PCGF3: variants seen among roughly 807,000 people sequenced by gnomAD.
PCGF3 encodes polycomb group ring finger 3.
In PCGF3, 7 loss-of-function variants were observed where a neutral mutation model predicts 33.1. The observed-to-expected ratio is 0.21, with a 90% CI of 0.12 to 0.40. The LOEUF is 0.40. PCGF3 is among the 10% of genes least tolerant of loss of function. The pLI is 1.00. For synonymous variants in PCGF3, 153 were observed against 121.3 expected, an observed-to-expected ratio of 1.26 and a Z score of -1.72; for missense variants, 211 against 313.3, an observed-to-expected ratio of 0.67 and a Z score of 2.46.
chr4:757,092 C>G (rs1447250442), intron 8 of PCGF3: 1 of 152,270 alleles, frequency 6.6e-6, no homozygotes, highest in Non-Finnish European at 1.5e-5. Flanking sequence ...TAGAGAACCA[C>G]TGTGATCACC....
rs1743009494 is a variant in PCGF3, at chr4:720,010, C to G, written c.-189-10620C>G. Among the ~76,000 whole-genome samples the G allele has an allele frequency of 6.6e-6, 1 of 152,162 alleles. No homozygotes were observed. ...GTTGGGCTGGGGGCATCTGTGGGGC[C>G]AGTTGCAGCAGTTTGGTCATTTTTG... On this transcript the variant is annotated intron_variant, in intron 1 of 10. Transcript: ENST00000362003. The surrounding 1 kb of genome is among the most constrained non-coding windows in gnomAD (Gnocchi z 5.6).
intron 5 of PCGF3, 151 bp from the exon 6 acceptor site, chr4:737,315 G>T (rs1743878781): frequency 1.6e-6 from 1 of 639,140 alleles, no homozygotes. Flanking sequence ...ATGGCTTTTG[G>T]TGACACATTT....
chr4:731,538 G>T (rs1377745996), intron 3 of PCGF3, among the ~76,000 whole-genome samples: 3 of 150,460 alleles, frequency 2.0e-5, no homozygotes, highest in African/African-American at 7.3e-5. Context: ...GGCCCTCAGG[G>T]GTGTAGGGCG....
At chr4:740,351 G>T (rs1339046241) in intron 6 of PCGF3, among the ~76,000 whole-genome samples, 3 of 152,246 alleles carry the variant, frequency 2.0e-5, no homozygotes, top group Non-Finnish European at 4.4e-5. Flanking sequence ...GTTTTTAGTG[G>T]TTTGTTGTTT....
intron 1 of PCGF3, among the ~76,000 whole-genome samples, chr4:711,409 A>G (rs1253210116): frequency 6.6e-6 from 1 of 150,950 alleles, no homozygotes; most frequent in Non-Finnish European, 1.5e-5. Context: ...ATTTTTGGTT[A>G]ATGGTTAGAA....
intron 1 of PCGF3, among the ~76,000 whole-genome samples, chr4:710,037 A>T (rs1742499684): frequency 6.6e-6 from 1 of 151,876 alleles, no homozygotes; most frequent in African/African-American, 2.4e-5. Flanking sequence ...AGGCTTTTAG[A>T]GGTGTGTTTT....
At chr4:757,644 C>T (rs1308517286) in intron 8 of PCGF3, 3 of 152,176 alleles carry the variant, frequency 2.0e-5, no homozygotes, top group Non-Finnish European at 2.9e-5. Flanking sequence ...TTAGCTGGCA[C>T]GTTACCTTAC....
At chr4:727,366 G>C (rs555869757) in intron 1 of PCGF3, among the ~76,000 whole-genome samples, 43 of 148,476 alleles carry the variant, frequency 2.9e-4, no homozygotes, top group African/African-American at 9.2e-4. Flanking sequence ...TCAGCCTCTC[G>C]AACAGCTGGG....
intron 1 of PCGF3, among the ~76,000 whole-genome samples, chr4:723,011 C>T (rs1577403244): frequency 1.5e-5 from 2 of 135,604 alleles, no homozygotes; most frequent in African/African-American, 2.8e-5. Context: ...TCCACATTCG[C>T]GTCATCGCCA....
chr4:769,096 A>G (rs914502432), exon 11 of PCGF3: 2 of 152,688 alleles, frequency 1.3e-5, no homozygotes, highest in African/African-American at 4.8e-5. Flanking sequence ...GCCTCGGGCC[A>G]CGCTGTGGGG....
chr4:706,125 G>A (rs1216149005), intron 1 of PCGF3, among the ~76,000 whole-genome samples, 155 bp downstream of exon 1: 2 of 152,258 alleles, frequency 1.3e-5, no homozygotes, highest in African/African-American at 2.4e-5. Flanking sequence ...GGCCCGGGAG[G>A]GCCGGCACCC....
chr4:761,447 A>G (rs1745050810), intron 9 of PCGF3, 31 bp downstream of exon 9: 29 of 1,546,948 alleles, frequency 1.9e-5, no homozygotes, highest in Non-Finnish European at 2.5e-5. Flanking sequence ...AGAAACCATA[A>G]CAAGTCCTCT....
chr4:763,974 C>A (rs890984152), intron 9 of PCGF3, among the ~76,000 whole-genome samples: 1 of 152,140 alleles, frequency 6.6e-6, no homozygotes, highest in Non-Finnish European at 1.5e-5. Context: ...GTAGGCCGTG[C>A]GACTCCAGCT....
chr4:739,087 A>G (rs977530741), intron 6 of PCGF3, among the ~76,000 whole-genome samples: 7 of 152,196 alleles, frequency 4.6e-5, no homozygotes, highest in Admixed American at 3.9e-4. Context: ...CTTAAAGCTC[A>G]TAACCACAAT....
At chr4:708,386 G>T (rs1347789704) in intron 1 of PCGF3, among the ~76,000 whole-genome samples, 1 of 152,106 alleles carries the variant, frequency 6.6e-6, no homozygotes, top group African/African-American at 2.4e-5. Flanking sequence ...CCTCGGGGGG[G>T]AATCCAGCAG....
chr4:730,980 AAG>A lies in PCGF3; in HGVS notation c.-137_-136del. The A allele has an allele frequency of 2.5e-6, 1 of 398,538 alleles. No individual in the cohort carries two copies. Among genetic ancestry groups the A allele is most frequent in the Non-Finnish European group, 4.4e-6 (1 of 225,922 alleles). 24.7% of individuals were successfully genotyped at this position (398,538 alleles called of 1,614,324 possible). ...CCGTTTCTGTGCTAGAAAATGGAAAAAGAGCCAGGGCCGGAAGGAGGGTGCAG... is the reference window on the plus strand; with the variant it reads ...CCGTTTCTGTGCTAGAAAATGGAAAAAGCCAGGGCCGGAAGGAGGGTGCAG... On this transcript the variant is annotated 5_prime_UTR_variant, in exon 3 of 11. It removes the in-frame stop codon of an upstream open reading frame in the 5' UTR. Coordinates refer to ENST00000362003, the Ensembl canonical transcript of PCGF3.
rs1473412687 is a variant in PCGF3 at position 720,116 on chromosome 4, C to A, written c.-189-10514C>A. On this transcript the variant is annotated intron_variant, in intron 1 of 10. Coordinates refer to ENST00000362003, the Ensembl canonical transcript of PCGF3. The surrounding 1 kb of genome is among the most constrained non-coding windows in gnomAD (Gnocchi z 5.6). ...CTCTGGCATCGACTGGATGGCCTTTCCCTCCTGAGTGACAGCCCTGGACGT... is the reference window on the plus strand; with the variant it reads ...CTCTGGCATCGACTGGATGGCCTTTACCTCCTGAGTGACAGCCCTGGACGT... 6.6e-6 allele frequency among the ~76,000 whole-genome samples: 1 copy of A among 152,190 alleles called. No individual in the cohort carries two copies. The highest frequency in any genetic ancestry group is 6.5e-5 in the Admixed American group (1 of 15,290).
intron 4 of PCGF3, 197 bp from the exon 5 acceptor site, chr4:734,734 C>CA: frequency 1.5e-6 from 2 of 1,363,074 alleles, no homozygotes; most frequent in Non-Finnish European, 1.9e-6. Flanking sequence ...ATTGACGGGG[C>CA]AATTAAAACC....
chr4:734,811 A>G, intron 4 of PCGF3, 120 bp from the exon 5 acceptor site: 1 of 1,455,548 alleles, frequency 6.9e-7, no homozygotes, highest in Non-Finnish European at 9.1e-7. Flanking sequence ...CACAAGGAGG[A>G]CAGCAGTGAG....
Sources: allele counts gnomAD v4.1 joint callset (sites outside exome capture counted in the v4.1 genomes callset), GRCh38; gene constraint gnomAD v4.1.1; non-coding constraint Gnocchi (gnomAD v3.1); transcripts MANE v1.5; gene names NCBI Gene and HGNC (gene_info 2026-07-23, HGNC 2026-07-21).